Variants in STAC observed in about 807,000 individuals in gnomAD.
The protein encoded by STAC is SH3 and cysteine-rich domain-containing protein.
STAC carries 43 observed loss-of-function variants against 48.8 expected under a neutral mutation model. The observed-to-expected ratio is 0.88, with a 90% CI of 0.69 to 1.14. The LOEUF (loss-of-function observed/expected upper bound fraction) is 1.14. STAC is among the 50% of genes most tolerant of loss of function. The probability of loss-of-function intolerance (pLI) is 0.00; values close to 1 mark genes in which losing one functional copy is unlikely to be tolerated. For synonymous variants in STAC, 193 were observed against 179.5 expected (o/e 1.07, Z -0.60); for missense variants, 497 against 504.0 (o/e 0.99, Z 0.13).
At chr3:36,387,375 G>A (rs549360067) in intron 1 of STAC, among the ~76,000 whole-genome samples, 8 of 151,906 alleles carry the variant, frequency 5.3e-5, no homozygotes, top group African/African-American at 1.4e-4. Context: ...ACAGTTCTAC[G>A]GCATTAAGTA....
At chr3:36,483,413 C>T (rs1697709121) in intron 3 of STAC, among the ~76,000 whole-genome samples, 1 of 152,186 alleles carries the variant, frequency 6.6e-6, no homozygotes, top group Non-Finnish European at 1.5e-5. Context: ...GAAAGTCATG[C>T]ATCTCAGGAA....
chr3:36,533,166 A>C (rs1167976978), intron 10 of STAC, among the ~76,000 whole-genome samples: 1 of 152,214 alleles, frequency 6.6e-6, no homozygotes, highest in Non-Finnish European at 1.5e-5. Flanking sequence ...TCATAAAGGA[A>C]GTTGTCTTGG....
At chr3:36,415,700 G>T (rs1247787459) in intron 1 of STAC, among the ~76,000 whole-genome samples, 2 of 152,164 alleles carry the variant, frequency 1.3e-5, no homozygotes, top group East Asian at 3.9e-4. Flanking sequence ...CCCATCTTCT[G>T]CGTCGCTCAC....
chr3:36,394,465 C>G (rs1699816288), intron 1 of STAC, among the ~76,000 whole-genome samples: 1 of 152,166 alleles, frequency 6.6e-6, no homozygotes, highest in South Asian at 2.1e-4. Flanking sequence ...CAGTACATTA[C>G]TCACATTTTA....
At position 36,398,672 on chromosome 3, in the gene STAC, G is replaced by A. The variant is rs868263604; in HGVS notation, c.111+17918G>A. Among the ~76,000 whole-genome samples, 50 of 113,492 alleles carry A rather than the reference G, an allele frequency of 4.4e-4. 1 individual carries two copies. The highest frequency in any genetic ancestry group is 8.7e-4 in the Admixed American group (9 of 10,392). The allele number at this position is 113,492 out of a possible 152,430, so 74.5% of individuals were successfully genotyped here. A position where few individuals can be genotyped will look rare whatever the true frequency, so the allele number is the denominator to read the frequency against. ...AAAGAGAAAGAAAGGAAGGAAGGAAGGAAAGAAAGAAAGAAAGAAAAGAAA... is the reference window on the plus strand; with the variant it reads ...AAAGAGAAAGAAAGGAAGGAAGGAAAGAAAGAAAGAAAGAAAGAAAAGAAA... On this transcript the variant is annotated intron_variant, in intron 1 of 10. Coordinates refer to ENST00000273183, the MANE Select transcript of STAC (RefSeq NM_003149.3).
chr3:36,436,605 C>T (rs991868953), intron 1 of STAC, among the ~76,000 whole-genome samples: 3 of 152,210 alleles, frequency 2.0e-5, no homozygotes, highest in Non-Finnish European at 4.4e-5. Flanking sequence ...TACTTCATGT[C>T]TCTGTTCCAT....
chr3:36,436,855 A>G (rs1050768857), intron 1 of STAC, among the ~76,000 whole-genome samples: 10 of 152,100 alleles, frequency 6.6e-5, no homozygotes, highest in African/African-American at 2.4e-4. Flanking sequence ...AAAATGGAAG[A>G]AAATTTCCGC....
At chr3:36,518,105 G>T (rs920516150) in intron 8 of STAC, among the ~76,000 whole-genome samples, 1 of 152,060 alleles carries the variant, frequency 6.6e-6, no homozygotes, top group East Asian at 1.9e-4. Flanking sequence ...TCACACCAAG[G>T]CACCTTTTTT....
intron 10 of STAC, among the ~76,000 whole-genome samples, chr3:36,545,307 G>A (rs982040077): frequency 1.4e-4 from 21 of 152,332 alleles, no homozygotes; most frequent in South Asian, 4.1e-4. Flanking sequence ...GCTCCCAGGC[G>A]AACCAAGCTA....
chr3:36,395,428 G>A (rs901748059), intron 1 of STAC, among the ~76,000 whole-genome samples: 2 of 152,104 alleles, frequency 1.3e-5, no homozygotes, highest in African/African-American at 4.8e-5. Context: ...GAGGAATTTC[G>A]ATGACAAGTA....
chr3:36,381,153 A>G (rs1218165113), intron 1 of STAC, among the ~76,000 whole-genome samples: 1 of 152,166 alleles, frequency 6.6e-6, no homozygotes, highest in Non-Finnish European at 1.5e-5. Context: ...CTGGGCCAGA[A>G]AAGCATGTAT....
chr3:36,532,471 G>C (rs1699095169), intron 10 of STAC, among the ~76,000 whole-genome samples: 1 of 152,102 alleles, frequency 6.6e-6, no homozygotes, highest in Non-Finnish European at 1.5e-5. Context: ...CCTCACTCAA[G>C]AGCACCCGAT....
Position 36,528,880 on chromosome 3 carries a change from A to T in STAC, c.1005A>T (p.Pro335=). The T allele has an allele frequency of 1.9e-6, 3 of 1,613,710 alleles. No individual in the cohort carries two copies. The highest frequency in any genetic ancestry group is 1.3e-5 in the African/African-American group (1 of 75,034). Residue 335 remains proline, a synonymous_variant, in exon 10 of 11, where the codon CCA becomes CCT. Coordinates refer to ENST00000273183, the MANE Select transcript of STAC (RefSeq NM_003149.3). ...TTCAAGACAGAATTGGCTTCTTTCC[A>T]GCCAACTTTGTTCAGAGACTACAAC... ...GKIQDRIGFF[P]ANFVQRLQQN...
At chr3:36,459,291 T>C (rs1176212147) in intron 2 of STAC, 1 of 152,100 alleles carries the variant, frequency 6.6e-6, no homozygotes, top group Non-Finnish European at 1.5e-5. Flanking sequence ...ATATACAAAG[T>C]ACTAGGGAAA....
intron 1 of STAC, among the ~76,000 whole-genome samples, chr3:36,438,787 G>A (rs1411893682): frequency 6.6e-6 from 1 of 152,130 alleles, no homozygotes; most frequent in Non-Finnish European, 1.5e-5. Context: ...GGTTTGAAAG[G>A]AGAAGTAAAG....
intron 8 of STAC, among the ~76,000 whole-genome samples, chr3:36,514,143 G>A (rs995496920): frequency 3.3e-5 from 5 of 149,926 alleles, no homozygotes; most frequent in Admixed American, 6.7e-5. Flanking sequence ...AATATTTATG[G>A]GGACTCCAGG....
At chr3:36,529,018 G>T in intron 10 of STAC, 33 bp downstream of exon 10, 1 of 1,553,006 alleles carries the variant, frequency 6.4e-7, no homozygotes, top group South Asian at 1.2e-5. Context: ...TTCCAGATAT[G>T]AGCCAAATAG....
chr3:36,535,712 A>C (rs529280662), intron 10 of STAC, among the ~76,000 whole-genome samples: 3 of 152,196 alleles, frequency 2.0e-5, no homozygotes, highest in African/African-American at 7.2e-5. Flanking sequence ...CCTTTTCTGC[A>C]TCTATTGAAA....
chr3:36,529,118 C>A, intron 10 of STAC, 133 bp downstream of exon 10: 1 of 947,660 alleles, frequency 1.1e-6, no homozygotes, highest in Non-Finnish European at 1.5e-6. Context: ...GATATACTTA[C>A]TCCAATGATG....
Sources: allele counts gnomAD v4.1 joint callset (sites outside exome capture counted in the v4.1 genomes callset), GRCh38; gene constraint gnomAD v4.1.1; transcripts MANE v1.5; gene names NCBI Gene and HGNC (gene_info 2026-07-23, HGNC 2026-07-21).